The following NAV1 variants were observed in gnomAD, a reference collection of about 807,000 sequenced individuals.
NAV1 encodes the protein neuron navigator 1.
Under a neutral mutation model 175.2 loss-of-function variants are expected in NAV1, and 18 were observed. That is an observed-to-expected ratio of 0.10 (90% CI 0.07 to 0.15). The LOEUF (loss-of-function observed/expected upper bound fraction) is 0.15, where lower values mean the gene tolerates loss of function less well. Ranked by LOEUF, NAV1 falls within the 10% of genes least tolerant of loss-of-function variation. The pLI is 1.00. For synonymous variants in NAV1, 897 were observed against 978.7 expected (o/e 0.92, Z 1.56); for missense variants, 1,731 against 2,436.6 (o/e 0.71, Z 6.10).
chr1:201,713,566 G>A (rs2102472733), intron 2 of NAV1, among the ~76,000 whole-genome samples: 1 of 152,252 alleles, frequency 6.6e-6, no homozygotes, highest in East Asian at 1.9e-4. Flanking sequence ...CCTGGCCACA[G>A]GCTCTGCTGT....
chr1:201,596,199 G>A (rs111855924), intron 2 of NAV1, among the ~76,000 whole-genome samples: 2,551 of 152,344 alleles, frequency 0.017, 24 homozygotes, highest in Non-Finnish European at 0.027. Flanking sequence ...CATGTGGTAC[G>A]TGTCCATCAG....
intron 1 of NAV1, among the ~76,000 whole-genome samples, chr1:201,708,948 A>T (rs1671782468): frequency 6.6e-6 from 1 of 152,132 alleles, no homozygotes; most frequent in Non-Finnish European, 1.5e-5. Flanking sequence ...CAGAAGTTCG[A>T]GACCAGCTTG....
intron 1 of NAV1, among the ~76,000 whole-genome samples, chr1:201,543,940 G>T (rs603763): frequency 0.64 from 97,761 of 152,100 alleles, 32,079 homozygotes; most frequent in Middle Eastern, 0.75. Flanking sequence ...TTAAAGGGCT[G>T]TATCTTCCTG....
chr1:201,731,067 C>A (rs1672837344), intron 3 of NAV1, among the ~76,000 whole-genome samples: 1 of 152,014 alleles, frequency 6.6e-6, no homozygotes, highest in African/African-American at 2.4e-5. Context: ...GAGTCAGGCC[C>A]ATAGAGACCG....
At chr1:201,766,521 C>A (rs1675218061) in intron 3 of NAV1, among the ~76,000 whole-genome samples, 2 of 128,474 alleles carry the variant, frequency 1.6e-5, no homozygotes, top group African/African-American at 6.0e-5. Flanking sequence ...CACTCTGACT[C>A]TTCTATTATC....
chr1:201,776,640 CAAAAAA>C (rs34504688), intron 3 of NAV1, among the ~76,000 whole-genome samples: 1 of 97,102 alleles, frequency 1.0e-5, no homozygotes, highest in Non-Finnish European at 2.1e-5. Flanking sequence ...GACTCCATCT[CAAAAAA>C]AAAAAAAAAA....
chr1:201,653,164 C>A lies in NAV1; in HGVS notation c.757+3739C>A, dbSNP rs902506325. Among the ~76,000 whole-genome samples, 4 of 152,156 alleles carry A rather than the reference C, an allele frequency of 2.6e-5. 1 individual carries two copies. The highest frequency in any genetic ancestry group is 9.7e-5 in the African/African-American group (4 of 41,416). ...AATCACAAGTCGGGGACTGTCTGTA[C>A]TATAGTAACACCCCAAATCTTCCTA... On this transcript the variant is annotated intron_variant, in intron 1 of 29. Coordinates refer to ENST00000367296, the Ensembl canonical transcript of NAV1.
chr1:201,824,051 TA>T (rs771077360), exon 30 of NAV1: 5 of 152,050 alleles, frequency 3.3e-5, no homozygotes, highest in South Asian at 2.1e-4. Context: ...CATGAGACCT[TA>T]AGAACTCTTT....
chr1:201,762,456 C>T (rs964712978), intron 3 of NAV1, among the ~76,000 whole-genome samples: 10 of 152,156 alleles, frequency 6.6e-5, no homozygotes, highest in Non-Finnish European at 1.0e-4. Context: ...GTGGATTTCA[C>T]ATTTTTAAAT....
intron 28 of NAV1, among the ~76,000 whole-genome samples, chr1:201,815,130 A>G (rs1379777314): frequency 6.6e-6 from 1 of 152,164 alleles, no homozygotes; most frequent in Non-Finnish European, 1.5e-5. Context: ...TTGTAGGGTC[A>G]TGAGGTTTGT....
Position 201,705,762 on chromosome 1 carries a change from G to A in NAV1, c.758-7055G>A, listed in dbSNP as rs1018550550. ...AGAGCTTCTCGGGTCATCAGATGGC[G>A]AAGAAAAGGATAGAGAGAGGGGATG... On this transcript the variant is annotated intron_variant, in intron 1 of 29. Transcript: ENST00000367296. Among the ~76,000 whole-genome samples the A allele has an allele frequency of 3.3e-5, 5 of 152,330 alleles. No homozygotes were observed. The East Asian group carries it at 5.8e-4, about 18-fold the overall frequency.
chr1:201,691,385 A>G (rs888655258), intron 1 of NAV1, among the ~76,000 whole-genome samples: 4 of 152,254 alleles, frequency 2.6e-5, no homozygotes, highest in African/African-American at 9.6e-5. Context: ...TCTGAGGTTT[A>G]GGAAGCAAAC....
At chr1:201,717,676 T>G (rs1358196407) in intron 2 of NAV1, among the ~76,000 whole-genome samples, 2 of 152,248 alleles carry the variant, frequency 1.3e-5, no homozygotes, top group East Asian at 3.9e-4. Context: ...CAGTTAAGGC[T>G]GCTTCTATTC....
intron 3 of NAV1, among the ~76,000 whole-genome samples, chr1:201,760,264 C>T (rs776914026): frequency 1.7e-4 from 26 of 152,200 alleles, no homozygotes; most frequent in South Asian, 4.2e-4. Flanking sequence ...CCAAGGGGTT[C>T]GAGACTAGCC....
exon 16 of NAV1, chr1:201,803,685 G>C (rs1678082605): frequency 6.2e-7 from 1 of 1,611,914 alleles, no homozygotes; most frequent in Non-Finnish European, 8.5e-7. Flanking sequence ...CAAGGATGCT[G>C]ATGCGAAAAA....
chr1:201,808,483 A>G lies in NAV1; in HGVS notation c.3911A>G (p.Lys1304Arg), dbSNP rs1267823140. Reference sequence around the variant, plus strand: ...GCAAATGAGGAGGAGGAGCCAGAGAAGAAGGAGGTATCGGAGCTGCGCTCT... The same window carrying G: ...GCAAATGAGGAGGAGGAGCCAGAGAGGAAGGAGGTATCGGAGCTGCGCTCT... Residue 1304 changes from lysine to arginine, a missense_variant, in exon 19 of 30, where the codon AAG becomes AGG. Lys to Arg is a conservative substitution (Grantham distance 26). Transcript: ENST00000367296. The surrounding 1 kb of genome is among the most constrained non-coding windows in gnomAD (Gnocchi z 5.5). 3 of 1,614,270 alleles carry G rather than the reference A, an allele frequency of 1.9e-6. No homozygotes were observed. Among genetic ancestry groups the G allele is most frequent in the Non-Finnish European group, 2.5e-6 (3 of 1,180,038 alleles).
chr1:201,782,305 G>T lies in NAV1; in HGVS notation c.1793G>T (p.Arg598Leu). 6.2e-7 allele frequency: 1 copy of T among 1,614,132 alleles called. No homozygotes were observed. Among genetic ancestry groups the T allele is most frequent in the Admixed American group, 1.7e-5 (1 of 60,020 alleles). The change falls in exon 6 of 30, where the codon CGC (arginine) becomes CTC (leucine). Residue 598 changes from arginine (R) to leucine (L), a missense_variant. Coordinates refer to ENST00000367296, the Ensembl canonical transcript of NAV1. This position sits in a 1 kb window ranked among gnomAD's most constrained non-coding sequence, Gnocchi z 5.4. ...AAGAAGCCCCCCTCGGGCATTGCTCGCCCCTCCACTTCGGGATCCTTTGGC... is the reference window on the plus strand; with the variant it reads ...AAGAAGCCCCCCTCGGGCATTGCTCTCCCCTCCACTTCGGGATCCTTTGGC...
chr1:201,600,018 G>A (rs1313718712), intron 2 of NAV1, among the ~76,000 whole-genome samples: 1 of 152,210 alleles, frequency 6.6e-6, no homozygotes, highest in Non-Finnish European at 1.5e-5. Context: ...GACAGCTTGG[G>A]CCCGGTTATC....
chr1:201,595,892 G>A (rs1169131741), intron 2 of NAV1, among the ~76,000 whole-genome samples: 4 of 152,208 alleles, frequency 2.6e-5, no homozygotes, highest in Non-Finnish European at 4.4e-5. Context: ...CCTCTAGGAT[G>A]CTCATTAACT....
Sources: allele counts gnomAD v4.1 joint callset (sites outside exome capture counted in the v4.1 genomes callset), GRCh38; gene constraint gnomAD v4.1.1; non-coding constraint Gnocchi (gnomAD v3.1); transcripts MANE v1.5; gene names NCBI Gene and HGNC (gene_info 2026-07-23, HGNC 2026-07-21).